Variants in FOCAD observed in about 807,000 individuals in gnomAD.
FOCAD encodes KIAA1797.
FOCAD carries 198 observed loss-of-function variants against 225.6 expected under a neutral mutation model. The observed-to-expected ratio is 0.88, with a 90% CI of 0.78 to 0.99. The LOEUF (loss-of-function observed/expected upper bound fraction) is 0.99, where lower values mean the gene tolerates loss of function less well. FOCAD is among the 50% of genes least tolerant of loss of function. The pLI, the probability that FOCAD is intolerant of heterozygous loss-of-function variation, is 0.00. For missense variants in FOCAD, 2,713 were observed against 2,123.6 expected (o/e 1.28, Z -5.46); for synonymous variants, 897 against 755.0 (o/e 1.19, Z -3.08).
chr9:20,867,132 A>G, intron 18 of FOCAD, 120 bp downstream of exon 18: 1 of 598,576 alleles, frequency 1.7e-6, no homozygotes, highest in East Asian at 2.9e-5. Flanking sequence ...TCTGTTGTCC[A>G]TGCAAGATAC....
chr9:20,958,350 T>C (rs974354051), intron 35 of FOCAD, among the ~76,000 whole-genome samples: 5 of 152,110 alleles, frequency 3.3e-5, no homozygotes, highest in African/African-American at 1.2e-4. Context: ...TCTGTACATT[T>C]ATTTACTGTT....
chr9:20,785,144 T>G (rs1698434382), intron 10 of FOCAD, among the ~76,000 whole-genome samples: 1 of 152,166 alleles, frequency 6.6e-6, no homozygotes, highest in Non-Finnish European at 1.5e-5. Flanking sequence ...AAATTATTGA[T>G]CTCATTTTAC....
intron 39 of FOCAD, among the ~76,000 whole-genome samples, chr9:20,983,019 G>C (rs533598981): frequency 6.6e-6 from 1 of 152,268 alleles, no homozygotes; most frequent in East Asian, 1.9e-4. Flanking sequence ...GGTGGACTTC[G>C]TGTCATTTAT....
chr9:20,821,996 T>TAAAAAAAAA, intron 14 of FOCAD, among the ~76,000 whole-genome samples: 2 of 49,340 alleles, frequency 4.1e-5, no homozygotes, highest in Non-Finnish European at 7.2e-5. Context: ...TAAAAGTTAC[T>TAAAAAAAAA]AAAAAAAAAA....
Position 20,995,621 on chromosome 9 carries a change from G to T in FOCAD, c.5398G>T (p.Gly1800Cys). 2 of 1,612,394 alleles carry T rather than the reference G, an allele frequency of 1.2e-6. No homozygotes were observed. Among genetic ancestry groups the T allele is most frequent in the South Asian group, 2.2e-5 (2 of 90,990 alleles). ...KKKAVWTRAYGW is the reference protein window; with the variant it reads ...KKKAVWTRAYCW ...GAAAGCTGTATGGACCAGAGCATAT[G>T]GTTGGTGAACAGTTTTGCAGTAACC... is the stretch of plus-strand genomic sequence containing the variant. The change falls in exon 44 of 44, where the codon GGT becomes TGT. Residue 1800 changes from glycine (G) to cysteine (C), a missense_variant. Physicochemically the swap from Gly to Cys is radical, Grantham distance 159 (BLOSUM62 -3). Transcript: ENST00000338382.
intron 18 of FOCAD, among the ~76,000 whole-genome samples, chr9:20,868,264 T>C (rs940558141): frequency 5.3e-5 from 8 of 152,134 alleles, no homozygotes; most frequent in Admixed American, 3.9e-4. Flanking sequence ...CCTTTTATTC[T>C]TGTTTTTAAT....
chr9:20,739,636 C>G (rs1827442935), intron 4 of FOCAD, among the ~76,000 whole-genome samples: 1 of 151,360 alleles, frequency 6.6e-6, no homozygotes, highest in Non-Finnish European at 1.5e-5. Context: ...TTAAATTTAA[C>G]AAATAGTGAG....
At chr9:20,909,249 G>A (rs1833235764) in intron 22 of FOCAD, among the ~76,000 whole-genome samples, 1 of 152,040 alleles carries the variant, frequency 6.6e-6, no homozygotes, top group Admixed American at 6.6e-5. Context: ...ACCCTTTGAA[G>A]TAGATGTTAT....
At chr9:20,940,270 T>C (rs925349854) in intron 28 of FOCAD, among the ~76,000 whole-genome samples, 1 of 150,710 alleles carries the variant, frequency 6.6e-6, no homozygotes. Flanking sequence ...TGTCAGTCCT[T>C]GTGCAGTTCT....
chr9:20,849,432 G>A (rs1016958899), intron 15 of FOCAD, among the ~76,000 whole-genome samples: 1 of 150,722 alleles, frequency 6.6e-6, no homozygotes. Flanking sequence ...ATGTTTTTCT[G>A]GGGTATTCTA....
intron 19 of FOCAD, among the ~76,000 whole-genome samples, chr9:20,881,034 A>C (rs1038665860): frequency 6.6e-6 from 1 of 152,194 alleles, no homozygotes; most frequent in Non-Finnish European, 1.5e-5. Flanking sequence ...CAAATGATAA[A>C]GATCTTGGGC....
At chr9:20,670,603 C>G (rs762494416) in intron 2 of FOCAD, among the ~76,000 whole-genome samples, 4 of 152,142 alleles carry the variant, frequency 2.6e-5, no homozygotes, top group Non-Finnish European at 4.4e-5. Context: ...AACCACCACC[C>G]TCATAATCCA....
intron 6 of FOCAD, among the ~76,000 whole-genome samples, chr9:20,760,272 C>T (rs1294201388): frequency 2.0e-5 from 3 of 152,228 alleles, no homozygotes; most frequent in African/African-American, 4.8e-5. Flanking sequence ...GCTCTGTTTT[C>T]ATAGCACTTA....
chr9:20,769,703 C>G (rs1004893848), intron 7 of FOCAD, among the ~76,000 whole-genome samples: 7 of 152,216 alleles, frequency 4.6e-5, no homozygotes, highest in Non-Finnish European at 8.8e-5. Flanking sequence ...GAATTCAAAA[C>G]TAAACTTAAT....
At chr9:20,933,369 C>A (rs972664919) in intron 28 of FOCAD, among the ~76,000 whole-genome samples, 3 of 152,162 alleles carry the variant, frequency 2.0e-5, no homozygotes, top group Non-Finnish European at 2.9e-5. Flanking sequence ...CTCCCTGAAT[C>A]CCCAAAGTCC....
chr9:20,754,965 T>TA (rs1457953749), intron 5 of FOCAD, among the ~76,000 whole-genome samples: 1 of 152,338 alleles, frequency 6.6e-6, no homozygotes, highest in African/African-American at 2.4e-5. Context: ...TGATGACTCT[T>TA]AAGGGAGAAT....
intron 15 of FOCAD, among the ~76,000 whole-genome samples, chr9:20,842,417 A>T (rs777943507): frequency 8.6e-5 from 13 of 151,832 alleles, no homozygotes; most frequent in Non-Finnish European, 1.6e-4. Flanking sequence ...ATATCTGGGT[A>T]TGCCAGTGTT....
chr9:20,825,938 T>C (rs1035780460), intron 15 of FOCAD, among the ~76,000 whole-genome samples: 1 of 152,120 alleles, frequency 6.6e-6, no homozygotes, highest in African/African-American at 2.4e-5. Flanking sequence ...GAATCTTGGC[T>C]GACCATAAAG....
At chr9:20,792,187 C>T (rs1820605371) in intron 11 of FOCAD, among the ~76,000 whole-genome samples, 2 of 152,104 alleles carry the variant, frequency 1.3e-5, no homozygotes, top group Non-Finnish European at 2.9e-5. Flanking sequence ...GTGTTTTCCT[C>T]CTATGTTTCT....
Sources: allele counts gnomAD v4.1 joint callset (sites outside exome capture counted in the v4.1 genomes callset), GRCh38; gene constraint gnomAD v4.1.1; transcripts MANE v1.5; gene names NCBI Gene and HGNC (gene_info 2026-07-23, HGNC 2026-07-21).